ZNF607: variants seen among roughly 807,000 people sequenced by gnomAD.
ZNF607 encodes the protein zinc finger protein 607.
A neutral mutation model predicts 12.8 loss-of-function variants in ZNF607; 5 were observed. The observed-to-expected ratio is 0.39, with a 90% CI of 0.20 to 0.82. The LOEUF (loss-of-function observed/expected upper bound fraction) is 0.82. Among genes scored for constraint, ZNF607 ranks in the 40% least tolerant of loss-of-function variants. The pLI is 0.39. For missense variants in ZNF607, 851 were observed against 859.2 expected (o/e 0.99, Z 0.12); for synonymous variants, 287 against 276.2 (o/e 1.04, Z -0.39).
intron 2 of ZNF607, among the ~76,000 whole-genome samples, chr19:37,710,205 C>T (rs1425676676): frequency 6.6e-6 from 1 of 151,668 alleles, no homozygotes; most frequent in African/African-American, 2.4e-5. Context: ...TGGCTCACGC[C>T]TGTAATTCCA....
At chr19:37,715,481 C>T (rs1331583443) in intron 1 of ZNF607, among the ~76,000 whole-genome samples, 2 of 151,638 alleles carry the variant, frequency 1.3e-5, no homozygotes, top group Admixed American at 1.3e-4. Context: ...TGATGCATGC[C>T]TGTAATCCCA....
At chr19:37,711,517 T>C (rs757064137) in intron 2 of ZNF607, 93 bp downstream of exon 2, 104 of 1,295,654 alleles carry the variant, frequency 8.0e-5, no homozygotes, top group East Asian at 4.1e-4. Flanking sequence ...GAGCACCGTC[T>C]CACGAAGGTA....
In ZNF607 at chr19:37,709,805, C is replaced by T; in HGVS notation, c.27G>A (p.Gly9=). MSYGSITF[G]DVAIDFSHQE... is the part of the protein sequence containing the mutation. The stretch of plus-strand genomic sequence containing the variant: ...GATGAGAGAAGTCTATGGCCACATC[C>T]CCGAATGTTATTGATCCCTGAAACA... The change falls in exon 3 of 5, where the codon GGG becomes GGA. Residue 9 remains glycine, a synonymous_variant. Transcript: ENST00000355202. 6.2e-7 allele frequency: 1 copy of T among 1,613,572 alleles called. No homozygotes were observed. The highest frequency in any genetic ancestry group is 8.5e-7 in the Non-Finnish European group (1 of 1,179,608).
chr19:37,709,939 G>A (rs777246320), intron 2 of ZNF607, 117 bp from the exon 3 acceptor site: 28 of 1,094,770 alleles, frequency 2.6e-5, no homozygotes, highest in Non-Finnish European at 3.6e-5. Flanking sequence ...GGCAGATCAT[G>A]AGGTCAAGAG....
intron 2 of ZNF607, among the ~76,000 whole-genome samples, chr19:37,711,262 G>C (rs1173137978): frequency 6.6e-6 from 1 of 152,116 alleles, no homozygotes; most frequent in Non-Finnish European, 1.5e-5. Context: ...TGGTCAAATG[G>C]AACTGTTGTC....
At position 37,698,390 on chromosome 19, in the gene ZNF607, G is replaced by T; in HGVS notation, c.1741C>A (p.Arg581=). 1 of 1,613,956 alleles carries T rather than the reference G, an allele frequency of 6.2e-7. No homozygotes were observed. Among genetic ancestry groups the T allele is most frequent in the Non-Finnish European group, 8.5e-7 (1 of 1,179,970 alleles). ...TAGGACTTTTCACCAGCATGAGTTC[G>T]GTCATGATATATGAGGCTTGTGGCA... The part of the protein sequence containing the change: ...RHATSLIYHD[R]THAGEKSYEC... The change falls in exon 5 of 5, where the codon CGA becomes AGA. Residue 581 remains arginine, a synonymous_variant. Transcript: ENST00000355202.
chr19:37,699,074 T>TA lies in ZNF607; in HGVS notation c.1056dup (p.Thr353TyrfsTer7). 1 of 1,614,116 alleles carries TA rather than the reference T, an allele frequency of 6.2e-7. No homozygotes were observed. Among genetic ancestry groups the TA allele is most frequent in the Non-Finnish European group, 8.5e-7 (1 of 1,180,008 alleles). On this transcript the variant is annotated frameshift_variant, in exon 5 of 5. Coordinates refer to ENST00000355202, the MANE Select transcript of ZNF607 (RefSeq NM_032689.5). LOFTEE classifies it low-confidence loss of function (END_TRUNC). ...ACACTTTCAAATGTATGAGGTGCAGTAAGTTGATGGCCACTACTAAAAGCC... is the reference window on the plus strand; with the variant it reads ...ACACTTTCAAATGTATGAGGTGCAGTAAAGTTGATGGCCACTACTAAAAGCC...
Position 37,697,533 on chromosome 19 carries a change from A to G in ZNF607, c.*507T>C, listed in dbSNP as rs1486030527. 1 of 538,362 alleles carries G rather than the reference A, an allele frequency of 1.9e-6. No homozygotes were observed. Among genetic ancestry groups the G allele is most frequent in the Non-Finnish European group, 3.4e-6 (1 of 293,766 alleles). The allele number at this position is 538,362 out of a possible 1,614,324, so 33.3% of individuals were successfully genotyped here. A position where few individuals can be genotyped will look rare whatever the true frequency, so the allele number is the denominator to read the frequency against. On this transcript the variant is annotated 3_prime_UTR_variant, in exon 5 of 5. Coordinates refer to ENST00000355202, the MANE Select transcript of ZNF607 (RefSeq NM_032689.5). The stretch of plus-strand genomic sequence containing the variant: ...TATATGATCCCCAGAAGGGATAAAT[A>G]TCTTCCCCCATATCATCCCAGCTAT...
Position 37,698,870 on chromosome 19 carries a change from A to C in ZNF607, c.1261T>G (p.Tyr421Asp), listed in dbSNP as rs1254214954. 4.3e-6 allele frequency: 7 copies of C among 1,613,922 alleles called. No homozygotes were observed. Among genetic ancestry groups the C allele is most frequent in the African/African-American group, 1.3e-5 (1 of 74,898 alleles). The change falls in exon 5 of 5, where the codon TAC becomes GAC. Residue 421 changes from tyrosine (Y) to aspartate (D), a missense_variant. By Grantham distance (160) the Tyr-to-Asp change is radical (BLOSUM62 -3). Transcript: ENST00000355202. ...HQNIHTGEKP[Y>D]KCKECGKAFS... The stretch of plus-strand genomic sequence containing the variant: ...GCCTTCCCACATTCCTTACATTTGT[A>C]GGGTTTCTCACCGGTATGAATATTT...
At chr19:37,711,765 T>G (rs937935441) in intron 1 of ZNF607, 73 bp from the exon 2 acceptor site, 9 of 684,004 alleles carry the variant, frequency 1.3e-5, no homozygotes, top group Admixed American at 5.0e-5. Context: ...ATAGTACTGT[T>G]TTCCTCTTCC....
chr19:37,709,829 C>G lies in ZNF607; in HGVS notation c.10-7G>C, dbSNP rs746337933. 3 of 1,612,092 alleles carry G rather than the reference C, an allele frequency of 1.9e-6. No individual in the cohort carries two copies. Among genetic ancestry groups the G allele is most frequent in the South Asian group, 1.1e-5 (1 of 90,996 alleles). On this transcript the variant is annotated splice_polypyrimidine_tract_variant and splice_region_variant and intron_variant, in intron 2 of 4. Transcript: ENST00000355202. Reference sequence around the variant, plus strand: ...CCCCGAATGTTATTGATCCCTGAAACAGCAAACCCATGTATTACTGGGGAA... The same window carrying G: ...CCCCGAATGTTATTGATCCCTGAAAGAGCAAACCCATGTATTACTGGGGAA...
Position 37,709,829 on chromosome 19 carries a change from C to T in ZNF607, c.10-7G>A, listed in dbSNP as rs746337933. 1 of 1,612,092 alleles carries T rather than the reference C, an allele frequency of 6.2e-7. No individual in the cohort carries two copies. Among genetic ancestry groups the T allele is most frequent in the South Asian group, 1.1e-5 (1 of 90,996 alleles). On this transcript the variant is annotated splice_polypyrimidine_tract_variant and splice_region_variant and intron_variant, in intron 2 of 4. Transcript: ENST00000355202. ...CCCCGAATGTTATTGATCCCTGAAACAGCAAACCCATGTATTACTGGGGAA... is the reference window on the plus strand; with the variant it reads ...CCCCGAATGTTATTGATCCCTGAAATAGCAAACCCATGTATTACTGGGGAA...
In ZNF607 at chr19:37,696,729, G is replaced by A. The variant is rs373991229; in HGVS notation, c.*1311C>T. ...CTGCAGCTTCCAGCTTGCACAGCTC[G>A]CTCTGGCCGTCCCCTGCAGTGGCCA... On this transcript the variant is annotated 3_prime_UTR_variant, in exon 5 of 5. Coordinates refer to ENST00000355202, the MANE Select transcript of ZNF607 (RefSeq NM_032689.5). The A allele has an allele frequency of 4.3e-6, 4 of 938,272 alleles. No individual in the cohort carries two copies. The highest frequency in any genetic ancestry group is 5.0e-5 in the East Asian group (2 of 40,324). 58.1% of individuals were successfully genotyped at this position (938,272 alleles called of 1,614,324 possible).
Position 37,698,088 on chromosome 19 carries a change from G to C in ZNF607, c.2043C>G (p.Ser681=), listed in dbSNP as rs768006946. Residue 681 remains serine, a synonymous_variant, in exon 5 of 5, where the codon TCC becomes TCG. Coordinates refer to ENST00000355202, the MANE Select transcript of ZNF607 (RefSeq NM_032689.5). ...KPFKCNKCRR[S]FRLRSILEVH... The stretch of plus-strand genomic sequence containing the variant: ...CTTCAAGGATGGATCTAAGCCTAAA[G>C]GACCTTCTGCATTTGTTACATTTAA... 1 of 1,612,760 alleles carries C rather than the reference G, an allele frequency of 6.2e-7. No homozygotes were observed. The highest frequency in any genetic ancestry group is 8.5e-7 in the Non-Finnish European group (1 of 1,179,720).
chr19:37,696,591 T>C lies in ZNF607; in HGVS notation c.*1449A>G. The C allele has an allele frequency of 1.8e-6, 1 of 555,342 alleles. No homozygotes were observed. The highest frequency in any genetic ancestry group is 3.3e-6 in the Non-Finnish European group (1 of 303,868). 34.4% of individuals were successfully genotyped at this position (555,342 alleles called of 1,614,324 possible). On this transcript the variant is annotated 3_prime_UTR_variant, in exon 5 of 5. Transcript: ENST00000355202. Reference sequence around the variant, plus strand: ...TCATCGGGGCTGTGGCCCAGTTGCCTCACGGAGGTGCAGGTAGGCTGGGGC... The same window carrying C: ...TCATCGGGGCTGTGGCCCAGTTGCCCCACGGAGGTGCAGGTAGGCTGGGGC...
chr19:37,708,359 C>T lies in ZNF607; in HGVS notation c.137-347G>A, dbSNP rs933849746. 2.0e-5 allele frequency among the ~76,000 whole-genome samples: 3 copies of T among 151,692 alleles called. No individual in the cohort carries two copies. The South Asian group carries it at 6.3e-4, about 32-fold the overall frequency. On this transcript the variant is annotated intron_variant, in intron 3 of 4. Coordinates refer to ENST00000355202, the MANE Select transcript of ZNF607 (RefSeq NM_032689.5). ...TATAGGCGTGCACCACCATGCCTGG[C>T]TAATTTTTGTATTTTTAGTAGAAAT...
intron 4 of ZNF607, among the ~76,000 whole-genome samples, chr19:37,706,972 G>A (rs2045089864): frequency 6.6e-6 from 1 of 152,120 alleles, no homozygotes; most frequent in South Asian, 2.1e-4. Flanking sequence ...ATTATAGGCA[G>A]TGCCACCACA....
chr19:37,709,787 G>C lies in ZNF607; in HGVS notation c.45C>G (p.Phe15Leu), dbSNP rs1286370280. The C allele has an allele frequency of 6.2e-7, 1 of 1,614,042 alleles. No individual in the cohort carries two copies. Among genetic ancestry groups the C allele is most frequent in the Non-Finnish European group, 8.5e-7 (1 of 1,179,930 alleles). Residue 15 changes from phenylalanine (F) to leucine (L), a missense_variant, in exon 3 of 5, where the codon TTC becomes TTG. By Grantham distance (22) the Phe-to-Leu change is conservative. Coordinates refer to ENST00000355202, the MANE Select transcript of ZNF607 (RefSeq NM_032689.5). ...TGAGATATTCCCACTCCTGATGAGA[G>C]AAGTCTATGGCCACATCCCCGAATG... is the stretch of plus-strand genomic sequence containing the variant. ...SITFGDVAID[F>L]SHQEWEYLSL...
intron 1 of ZNF607, among the ~76,000 whole-genome samples, chr19:37,717,388 T>C (rs369191569): frequency 6.6e-6 from 1 of 151,954 alleles, no homozygotes; most frequent in Non-Finnish European, 1.5e-5. Flanking sequence ...GGTTTCACCA[T>C]GTTAGCCAGG....
Sources: allele counts gnomAD v4.1 joint callset (sites outside exome capture counted in the v4.1 genomes callset), GRCh38; gene constraint gnomAD v4.1.1; transcripts MANE v1.5; gene names NCBI Gene and HGNC (gene_info 2026-07-23, HGNC 2026-07-21).